The following INPP5A variants were observed in gnomAD, a reference collection of about 807,000 sequenced individuals.
INPP5A encodes the protein 43 kDa inositol polyphosphate 5-phophatase.
INPP5A carries 14 observed loss-of-function variants against 65.2 expected under a neutral mutation model. The observed-to-expected ratio is 0.21, with a 90% confidence interval of 0.14 to 0.34. The LOEUF (loss-of-function observed/expected upper bound fraction) is 0.34, where lower values mean the gene tolerates loss of function less well. Ranked by LOEUF, INPP5A falls within the 10% of genes least tolerant of loss-of-function variation. The pLI, the probability that INPP5A is intolerant of heterozygous loss-of-function variation, is 1.00. For missense variants in INPP5A, 431 were observed against 545.6 expected, an observed-to-expected ratio of 0.79 and a Z score of 2.09; for synonymous variants, 207 against 208.3, an observed-to-expected ratio of 0.99 and a Z score of 0.05.
rs113908398 is a variant in INPP5A at position 132,691,152 on chromosome 10, C to G, written c.370+697C>G. Among the ~76,000 whole-genome samples the G allele has an allele frequency of 4.0e-3, 608 of 152,380 alleles. 3 individuals are homozygous for G. Among genetic ancestry groups the G allele is most frequent in the African/African-American group, 0.014 (586 of 41,604 alleles). On this transcript the variant is annotated intron_variant, in intron 5 of 15. Transcript: ENST00000368594. ...TCGTTCGGATTCCGTGTTTGTGCTC[C>G]CTCGGGAGACGGAGCGGCTCCTGTG...
intron 1 of INPP5A, among the ~76,000 whole-genome samples, chr10:132,598,429 A>G (rs1271409675): frequency 2.0e-5 from 3 of 152,194 alleles, no homozygotes; most frequent in South Asian, 2.1e-4. Context: ...TTTGTCACCA[A>G]CATTTTACTT....
intron 9 of INPP5A, among the ~76,000 whole-genome samples, chr10:132,728,680 C>T (rs573647254): frequency 4.9e-4 from 75 of 152,234 alleles, no homozygotes; most frequent in Non-Finnish European, 9.4e-4. Context: ...AGACCAAAGC[C>T]GATCAATCCC....
intron 4 of INPP5A, among the ~76,000 whole-genome samples, chr10:132,672,164 C>T (rs2072899947): frequency 6.6e-6 from 1 of 152,222 alleles, no homozygotes. Flanking sequence ...TGCATGTATA[C>T]ACTTGTACTA....
At position 132,537,798 on chromosome 10, in the gene INPP5A, G is replaced by A. The variant is rs1414308395; in HGVS notation, c.-299G>A. The stretch of plus-strand genomic sequence containing the variant: ...CTCCGCGGGGCGGGACTTGCCCTCA[G>A]CCTGAGTCGGCGGCGGCTGCGGGAA... On this transcript the variant is annotated 5_prime_UTR_variant, in exon 1 of 16. Transcript: ENST00000368594. The A allele has an allele frequency of 5.7e-5, 21 of 367,062 alleles. 1 individual carries two copies. In the East Asian group the frequency reaches 6.6e-4, roughly 12 times the overall value. The allele number at this position is 367,062 out of a possible 1,614,324, so 22.7% of individuals were successfully genotyped here.
chr10:132,723,350 A>C (rs971406414), intron 8 of INPP5A, among the ~76,000 whole-genome samples: 1 of 152,240 alleles, frequency 6.6e-6, no homozygotes, highest in African/African-American at 2.4e-5. Flanking sequence ...GGAACTCATT[A>C]GAGTTTGTTC....
At chr10:132,618,089 A>G (rs1357759677) in intron 2 of INPP5A, among the ~76,000 whole-genome samples, 4 of 152,234 alleles carry the variant, frequency 2.6e-5, no homozygotes, top group African/African-American at 4.8e-5. Flanking sequence ...TTAAAACAGG[A>G]TATAATGTTG....
intron 1 of INPP5A, among the ~76,000 whole-genome samples, chr10:132,543,229 C>G (rs1187123375): frequency 6.6e-6 from 1 of 152,128 alleles, no homozygotes; most frequent in Non-Finnish European, 1.5e-5. Flanking sequence ...CATTAGCACC[C>G]AAGCCCCACG....
chr10:132,763,335 A>C (rs959962325), intron 11 of INPP5A, among the ~76,000 whole-genome samples: 2 of 151,950 alleles, frequency 1.3e-5, no homozygotes, highest in African/African-American at 4.8e-5. Flanking sequence ...CTGCCTCCTC[A>C]CCTCCACACC....
In INPP5A at chr10:132,546,806, C is replaced by T. The variant is rs1471969790; in HGVS notation, c.75+8635C>T. Among the ~76,000 whole-genome samples the T allele has an allele frequency of 6.6e-6, 1 of 152,234 alleles. No individual in the cohort carries two copies. The highest frequency in any genetic ancestry group is 1.5e-5 in the Non-Finnish European group (1 of 68,034). Reference sequence around the variant, plus strand: ...CAGCCACTGTTCTCCCTGGCCCTTCCCTCTCGTTTCTGCCTGGGCCTGCCT... The same window carrying T: ...CAGCCACTGTTCTCCCTGGCCCTTCTCTCTCGTTTCTGCCTGGGCCTGCCT... On this transcript the variant is annotated intron_variant, in intron 1 of 15. Transcript: ENST00000368594. This position sits in a 1 kb window ranked among gnomAD's most constrained non-coding sequence, Gnocchi z 5.7.
chr10:132,733,033 G>A (rs1355695184), intron 9 of INPP5A, among the ~76,000 whole-genome samples: 2 of 152,130 alleles, frequency 1.3e-5, no homozygotes, highest in African/African-American at 4.8e-5. Flanking sequence ...GCTGCTCCTG[G>A]AGGCTCCAGG....
intron 9 of INPP5A, among the ~76,000 whole-genome samples, chr10:132,731,877 C>G (rs1478354003): frequency 6.6e-6 from 1 of 152,234 alleles, no homozygotes; most frequent in African/African-American, 2.4e-5. Flanking sequence ...TGCAAAGGTC[C>G]CTTCTAAATG....
chr10:132,635,386 ATT>A (rs775271931), intron 2 of INPP5A, among the ~76,000 whole-genome samples: 67 of 54,488 alleles, frequency 1.2e-3, no homozygotes, highest in African/African-American at 3.2e-3. Flanking sequence ...CTTTTTAAAG[ATT>A]TTTTTTTTTT....
Position 132,627,829 on chromosome 10 carries a change from T to C in INPP5A, c.118-18039T>C, listed in dbSNP as rs1590877860. Among the ~76,000 whole-genome samples, 1 of 151,920 alleles carries C rather than the reference T, an allele frequency of 6.6e-6. No individual in the cohort carries two copies. The highest frequency in any genetic ancestry group is 2.4e-5 in the African/African-American group (1 of 41,328). On this transcript the variant is annotated intron_variant, in intron 2 of 15. Coordinates refer to ENST00000368594, the MANE Select transcript of INPP5A (RefSeq NM_005539.5). The surrounding 1 kb of genome is among the most constrained non-coding windows in gnomAD (Gnocchi z 6.6). The stretch of plus-strand genomic sequence containing the variant: ...CGGACAGATTTGTGAGGACCTTTGG[T>C]TGGAGTATTGGAAACCGGGAGGGGT...
At position 132,698,960 on chromosome 10, in the gene INPP5A, C is replaced by T. The variant is rs188791200; in HGVS notation, c.474+1041C>T. On this transcript the variant is annotated intron_variant, in intron 6 of 15. Transcript: ENST00000368594. The surrounding 1 kb of genome is among the most constrained non-coding windows in gnomAD (Gnocchi z 5.5). The stretch of plus-strand genomic sequence containing the variant: ...GGGGTGCTCCTGTCACCCTGTGGCT[C>T]GGCCTCCTCATCCGTCTTCCCAAGG... Among the ~76,000 whole-genome samples, 1,389 of 152,340 alleles carry T rather than the reference C, an allele frequency of 9.1e-3. 5 individuals are homozygous for T. Among genetic ancestry groups the T allele is most frequent in the Non-Finnish European group, 0.014 (940 of 68,026 alleles).
intron 1 of INPP5A, among the ~76,000 whole-genome samples, chr10:132,571,240 C>T (rs1433589174): frequency 3.3e-5 from 5 of 152,256 alleles, no homozygotes; most frequent in Non-Finnish European, 4.4e-5. Flanking sequence ...AAGGAGAGAT[C>T]GCCTAGCAAA....
chr10:132,694,875 C>T (rs1029559373), intron 5 of INPP5A, among the ~76,000 whole-genome samples: 2 of 152,106 alleles, frequency 1.3e-5, no homozygotes, highest in Non-Finnish European at 2.9e-5. Context: ...TAGCTATTAA[C>T]AACACTGAAT....
chr10:132,673,103 C>T (rs2072914591), intron 4 of INPP5A, among the ~76,000 whole-genome samples: 1 of 152,186 alleles, frequency 6.6e-6, no homozygotes, highest in African/African-American at 2.4e-5. Flanking sequence ...ACTGATTTCA[C>T]CTTGATAGAC....
chr10:132,665,927 C>T (rs2072795072), intron 4 of INPP5A, among the ~76,000 whole-genome samples: 1 of 152,000 alleles, frequency 6.6e-6, no homozygotes, highest in Non-Finnish European at 1.5e-5. Flanking sequence ...CAATGGCGTG[C>T]ACCTGTAGTC....
At chr10:132,765,924 C>T (rs1669801893) in intron 12 of INPP5A, 78 bp downstream of exon 12, 34 of 845,632 alleles carry the variant, frequency 4.0e-5, no homozygotes, top group Admixed American at 2.6e-4. Context: ...GGTGCATCTG[C>T]GTGTCTGTGT....
Sources: allele counts gnomAD v4.1 joint callset (sites outside exome capture counted in the v4.1 genomes callset), GRCh38; gene constraint gnomAD v4.1.1; non-coding constraint Gnocchi (gnomAD v3.1); transcripts MANE v1.5; gene names NCBI Gene and HGNC (gene_info 2026-07-23, HGNC 2026-07-21).